CTNNA3: variants seen among roughly 807,000 people sequenced by gnomAD.
The protein encoded by CTNNA3 is catenin alpha-3.
Under a neutral mutation model 95.7 loss-of-function variants are expected in CTNNA3, and 76 were observed. The observed-to-expected ratio is 0.79, with a 90% CI of 0.66 to 0.96. The LOEUF (loss-of-function observed/expected upper bound fraction) is 0.96, where lower values mean the gene tolerates loss of function less well. CTNNA3 is among the 40% of genes least tolerant of loss of function. The pLI, the probability that CTNNA3 is intolerant of heterozygous loss-of-function variation, is 0.00. For synonymous variants in CTNNA3, 431 were observed against 374.4 expected (o/e 1.15, Z -1.74); for missense variants, 1,191 against 1,089.8 (o/e 1.09, Z -1.31).
At chr10:66,578,784 C>CTTTT (rs71035156) in intron 10 of CTNNA3, among the ~76,000 whole-genome samples, 2 of 143,232 alleles carry the variant, frequency 1.4e-5, no homozygotes, top group Non-Finnish European at 3.1e-5. Flanking sequence ...ATTTTTCTTT[C>CTTTT]TTTTTTTTTT....
intron 7 of CTNNA3, among the ~76,000 whole-genome samples, chr10:66,973,733 C>A (rs1218603631): frequency 1.3e-5 from 2 of 152,106 alleles, no homozygotes; most frequent in Non-Finnish European, 2.9e-5. Flanking sequence ...AAGTGATTCT[C>A]CTGCTTCAGC....
chr10:67,302,804 G>A (rs1014137906), intron 5 of CTNNA3, among the ~76,000 whole-genome samples: 1 of 152,144 alleles, frequency 6.6e-6, no homozygotes, highest in Admixed American at 6.5e-5. Flanking sequence ...AACATTTTTG[G>A]TAAAGTGGGA....
intron 5 of CTNNA3, among the ~76,000 whole-genome samples, chr10:67,455,080 T>TA (rs1847121918): frequency 6.6e-6 from 1 of 152,180 alleles, no homozygotes; most frequent in Admixed American, 6.5e-5. Context: ...AAATTCTTTC[T>TA]AAAGGAATTT....
chr10:66,605,805 G>T (rs540773034), intron 10 of CTNNA3, among the ~76,000 whole-genome samples: 2 of 152,116 alleles, frequency 1.3e-5, no homozygotes, highest in Non-Finnish European at 2.9e-5. Flanking sequence ...GCTTCTGAAG[G>T]AAGCACTAAA....
chr10:66,327,053 G>T (rs954799456), intron 12 of CTNNA3, among the ~76,000 whole-genome samples: 50 of 152,016 alleles, frequency 3.3e-4, no homozygotes, highest in African/African-American at 1.2e-3. Flanking sequence ...AGCCCCTAGG[G>T]TGTACACTTC....
At chr10:67,265,947 G>A (rs2132403572) in intron 5 of CTNNA3, among the ~76,000 whole-genome samples, 1 of 152,172 alleles carries the variant, frequency 6.6e-6, no homozygotes, top group Admixed American at 6.5e-5. Flanking sequence ...CAGATCAATC[G>A]ACAAGGCCTA....
chr10:67,688,221 C>T (rs187214613), intron 1 of CTNNA3, among the ~76,000 whole-genome samples: 23 of 152,186 alleles, frequency 1.5e-4, no homozygotes, highest in Admixed American at 3.3e-4. Context: ...GACATGTACC[C>T]GGGTTGGGCC....
rs553451739 is a variant in CTNNA3 at position 67,759,834 on chromosome 10, T to TA, written c.-2+3599dup. Among the ~76,000 whole-genome samples the TA allele has an allele frequency of 2.6e-5, 4 of 152,224 alleles. No individual in the cohort carries two copies. In the South Asian group the frequency reaches 8.3e-4, roughly 32 times the overall value. On this transcript the variant is annotated intron_variant, in intron 1 of 17. Coordinates refer to the CTNNA3 transcript ENST00000684154. ...CCCCCTACTGACAACCAGCAAGTCT[T>TA]ACAACCATAGGAGCTAAATTCTGCC...
intron 17 of CTNNA3, among the ~76,000 whole-genome samples, chr10:65,951,791 A>G (rs1476348385): frequency 6.6e-6 from 1 of 152,166 alleles, no homozygotes; most frequent in African/African-American, 2.4e-5. Flanking sequence ...GCACTTTGGG[A>G]GGCCGAGGTG....
intron 11 of CTNNA3, among the ~76,000 whole-genome samples, chr10:66,416,976 C>T (rs925383917): frequency 6.6e-6 from 1 of 151,898 alleles, no homozygotes; most frequent in Non-Finnish European, 1.5e-5. Context: ...AAATCAAGAA[C>T]AAAGAATATA....
At chr10:66,528,813 A>G (rs1327483185) in intron 10 of CTNNA3, among the ~76,000 whole-genome samples, 1 of 152,256 alleles carries the variant, frequency 6.6e-6, no homozygotes, top group Non-Finnish European at 1.5e-5. Context: ...AGACTGAATT[A>G]TCTTCTCAGT....
intron 13 of CTNNA3, among the ~76,000 whole-genome samples, chr10:66,110,766 A>G (rs1480945620): frequency 6.6e-6 from 1 of 152,194 alleles, no homozygotes; most frequent in Non-Finnish European, 1.5e-5. Flanking sequence ...ATGTTGCTTA[A>G]CAATCAGGAC....
At chr10:66,663,360 C>G (rs1388955246) in intron 9 of CTNNA3, among the ~76,000 whole-genome samples, 1 of 151,924 alleles carries the variant, frequency 6.6e-6, no homozygotes, top group Admixed American at 6.6e-5. Context: ...ACTCTTCCCA[C>G]TCTTTGGGAC....
intron 5 of CTNNA3, among the ~76,000 whole-genome samples, chr10:67,421,051 C>T (rs778130340): frequency 2.6e-5 from 4 of 152,010 alleles, no homozygotes; most frequent in Non-Finnish European, 4.4e-5. Context: ...CATTTTAGAA[C>T]ATCATCAGAC....
chr10:67,383,140 T>G (rs904640262), intron 5 of CTNNA3, among the ~76,000 whole-genome samples: 1 of 152,228 alleles, frequency 6.6e-6, no homozygotes, highest in African/African-American at 2.4e-5. Context: ...ATATTATACA[T>G]ATTATATAAT....
At position 66,024,670 on chromosome 10, in the gene CTNNA3, G is replaced by A. The variant is rs545417487; in HGVS notation, c.2160-35873C>T. Among the ~76,000 whole-genome samples the A allele has an allele frequency of 3.4e-4, 52 of 152,304 alleles. 1 individual carries two copies. The highest frequency in any genetic ancestry group is 1.2e-3 in the African/African-American group (51 of 41,564). On this transcript the variant is annotated intron_variant, in intron 15 of 17. Coordinates refer to ENST00000433211, the MANE Select transcript of CTNNA3 (RefSeq NM_013266.4). ...AAACTGTTTGATAATGTAAACAATG[G>A]CTGGATTAAGAAATGGAACATAGGC...
chr10:67,542,614 A>C (rs1359904719), intron 3 of CTNNA3, among the ~76,000 whole-genome samples: 1 of 152,094 alleles, frequency 6.6e-6, no homozygotes, highest in African/African-American at 2.4e-5. Flanking sequence ...TTGCAGCCCA[A>C]GAAGTTCAGA....
chr10:66,188,187 G>T (rs918912033), intron 13 of CTNNA3, among the ~76,000 whole-genome samples: 1 of 152,068 alleles, frequency 6.6e-6, no homozygotes, highest in Admixed American at 6.6e-5. Context: ...TATTTAACCT[G>T]ACAACAGAAG....
intron 7 of CTNNA3, among the ~76,000 whole-genome samples, chr10:67,144,908 A>G (rs1860766657): frequency 6.6e-6 from 1 of 152,188 alleles, no homozygotes. Flanking sequence ...TAAGCTTTCA[A>G]CATGCCTTCC....
Sources: gnomAD v4.1 joint callset for allele counts (sites outside exome capture counted in the v4.1 genomes callset) on GRCh38, gnomAD v4.1.1 for gene constraint, MANE v1.5 for transcripts, NCBI Gene and HGNC (gene_info 2026-07-23, HGNC 2026-07-21) for gene names.